Variants in RAPGEF2 observed in about 807,000 individuals in gnomAD.
RAPGEF2 encodes the protein PDZ domain containing guanine nucleotide exchange factor (GEF) 1.
A neutral mutation model predicts 186.7 loss-of-function variants in RAPGEF2; 54 were observed. The ratio of observed to expected loss-of-function variants is 0.29; its 90% CI spans 0.23 to 0.36. The LOEUF is 0.36. RAPGEF2 is among the 10% of genes least tolerant of loss of function. RAPGEF2 has a pLI of 1.00. For missense variants in RAPGEF2, 1,532 were observed against 2,045.0 expected (o/e 0.75, Z 4.84); for synonymous variants, 712 against 705.9 (o/e 1.01, Z -0.14).
chr4:159,183,058 G>T (rs1394089452), intron 1 of RAPGEF2, among the ~76,000 whole-genome samples: 1 of 152,010 alleles, frequency 6.6e-6, no homozygotes. Flanking sequence ...TGCATATACC[G>T]ACAAGCTAAT....
Position 159,314,740 on chromosome 4 carries a change from C to T in RAPGEF2, c.825C>T (p.Asp275=). 1.2e-6 allele frequency: 2 copies of T among 1,609,126 alleles called. No individual in the cohort carries two copies. The highest frequency in any genetic ancestry group is 1.7e-6 in the Non-Finnish European group (2 of 1,178,348). ...TTGTGAGAGACTGCCTAGAGAAGGA[C>T]CCAATTGACCGGACAGATGATGACA... ...RDIVRDCLEK[D]PIDRTDDDIE... Residue 275 remains aspartate (D), a synonymous_variant, in exon 9 of 30, where the codon GAC becomes GAT. Transcript: ENST00000691494.
Position 159,285,745 on chromosome 4 carries a change from C to G in RAPGEF2, c.544-18597C>G, listed in dbSNP as rs547818625. On this transcript the variant is annotated intron_variant, in intron 7 of 29. Transcript: ENST00000691494. ...ACTTACCCCATGTGTTTATTGATTT[C>G]AAGAATCACTGTCTCATCACAGTAC... Among the ~76,000 whole-genome samples, 9 of 152,220 alleles carry G rather than the reference C, an allele frequency of 5.9e-5. No individual in the cohort carries two copies. The South Asian group carries it at 1.9e-3, about 32-fold the overall frequency.
intron 9 of RAPGEF2, among the ~76,000 whole-genome samples, chr4:159,319,652 C>T (rs1447257017): frequency 6.6e-6 from 1 of 152,040 alleles, no homozygotes; most frequent in Non-Finnish European, 1.5e-5. Flanking sequence ...TCTGGTTTAG[C>T]ATTTATGTAT....
intron 3 of RAPGEF2, among the ~76,000 whole-genome samples, chr4:159,204,795 T>G (rs1579457361): frequency 6.6e-6 from 1 of 152,184 alleles, no homozygotes; most frequent in East Asian, 1.9e-4. Flanking sequence ...TCTGAGATTC[T>G]AAGAAGGATT....
chr4:159,180,329 A>T (rs1302188398), intron 1 of RAPGEF2, among the ~76,000 whole-genome samples: 1 of 152,182 alleles, frequency 6.6e-6, no homozygotes, highest in East Asian at 1.9e-4. Flanking sequence ...TGTCTTTGCC[A>T]TAGTTTCTCT....
At chr4:159,175,868 G>A (rs933433270) in intron 1 of RAPGEF2, among the ~76,000 whole-genome samples, 3 of 152,216 alleles carry the variant, frequency 2.0e-5, no homozygotes, top group Non-Finnish European at 4.4e-5. Context: ...CTGCAGGAAT[G>A]TTGCCCTTTT....
intron 1 of RAPGEF2, among the ~76,000 whole-genome samples, chr4:159,109,048 A>C (rs746820051): frequency 2.2e-4 from 33 of 152,218 alleles, no homozygotes; most frequent in Non-Finnish European, 3.5e-4. Context: ...TTCAAGTTGC[A>C]TAAAATTATA....
chr4:159,282,669 G>A (rs1759884092), intron 7 of RAPGEF2: 1 of 450,028 alleles, frequency 2.2e-6, no homozygotes, highest in Non-Finnish European at 4.4e-6. Context: ...CCTAAGGCTT[G>A]CCTTTCTGGT....
At chr4:159,325,132 T>C (rs1001141846) in intron 11 of RAPGEF2, among the ~76,000 whole-genome samples, 9 of 152,034 alleles carry the variant, frequency 5.9e-5, no homozygotes, top group African/African-American at 1.7e-4. Flanking sequence ...ATCTTATCTA[T>C]AGAATCTAAA....
At chr4:159,316,367 T>C (rs1764606136) in intron 9 of RAPGEF2, among the ~76,000 whole-genome samples, 1 of 152,204 alleles carries the variant, frequency 6.6e-6, no homozygotes, top group African/African-American at 2.4e-5. Context: ...TATTTTATTA[T>C]ACTGGAACAG....
chr4:159,271,835 C>T (rs1198369526), intron 7 of RAPGEF2, among the ~76,000 whole-genome samples: 2 of 152,158 alleles, frequency 1.3e-5, no homozygotes, highest in Admixed American at 6.5e-5. Flanking sequence ...TTTTATAAAA[C>T]TTTCATTGCT....
At chr4:159,356,270 A>G (rs1731995691) in intron 29 of RAPGEF2, 112 bp downstream of exon 29, 3 of 1,130,910 alleles carry the variant, frequency 2.7e-6, no homozygotes, top group Admixed American at 2.5e-5. Flanking sequence ...CTAACCATAT[A>G]CTACACAAAG....
At chr4:159,318,644 C>T (rs758400558) in intron 9 of RAPGEF2, among the ~76,000 whole-genome samples, 6 of 152,088 alleles carry the variant, frequency 3.9e-5, no homozygotes, top group Non-Finnish European at 8.8e-5. Context: ...GAACTCATAA[C>T]TTTGTAGGTA....
At chr4:159,285,628 T>A (rs887565200) in intron 7 of RAPGEF2, among the ~76,000 whole-genome samples, 3 of 152,204 alleles carry the variant, frequency 2.0e-5, no homozygotes, top group African/African-American at 7.2e-5. Flanking sequence ...ATAAATGAAT[T>A]CCTATTTTAC....
At chr4:159,294,680 T>TTCCTTCCTTCCC (rs1761705110) in intron 7 of RAPGEF2, among the ~76,000 whole-genome samples, 4 of 147,782 alleles carry the variant, frequency 2.7e-5, no homozygotes, top group African/African-American at 1.0e-4. Flanking sequence ...CCTTCCTTCC[T>TTCCTTCCTTCCC]TCCTTCCTTC....
chr4:159,295,752 T>C (rs200354085), intron 7 of RAPGEF2, among the ~76,000 whole-genome samples: 29,234 of 109,066 alleles, frequency 0.27, 3,394 homozygotes, highest in Non-Finnish European at 0.34. Context: ...TGTGTGTGTG[T>C]GTGCGCGCGC....
At chr4:159,179,437 A>G (rs750176142) in intron 1 of RAPGEF2, among the ~76,000 whole-genome samples, 5 of 152,194 alleles carry the variant, frequency 3.3e-5, no homozygotes, top group African/African-American at 7.2e-5. Context: ...AAAGAATCTA[A>G]AAGTGTAACT....
chr4:159,120,893 T>C (rs1739601171), intron 1 of RAPGEF2, among the ~76,000 whole-genome samples: 1 of 152,106 alleles, frequency 6.6e-6, no homozygotes, highest in Admixed American at 6.6e-5. Flanking sequence ...CTTGCCCTGT[T>C]GCCCAGGCTA....
chr4:159,350,284 G>T lies in RAPGEF2; in HGVS notation c.3860G>T (p.Arg1287Met). 7.1e-6 allele frequency: 11 copies of T among 1,554,380 alleles called. No homozygotes were observed. Among genetic ancestry groups the T allele is most frequent in the Non-Finnish European group, 9.5e-6 (11 of 1,154,252 alleles). Reference sequence around the variant, plus strand: ...CCTACTTCTCCACAGAGTTCTCCAAGGAAAGGTAGAATTAAATTACTTTTT... The same window carrying T: ...CCTACTTCTCCACAGAGTTCTCCAATGAAAGGTAGAATTAAATTACTTTTT... ...SPPTSPQSSP[R>M]KGYTLAPSGT... The change falls in exon 26 of 30, where the codon AGG becomes ATG. Residue 1287 changes from arginine (R) to methionine (M), a missense_variant. Around this residue, in one of 4 missense-constraint regions of RAPGEF2, gnomAD observed 594 missense variants for 608.5 expected, o/e 0.98. Coordinates refer to ENST00000691494, the MANE Select transcript of RAPGEF2 (RefSeq NM_001394067.2).
Sources: allele counts gnomAD v4.1 joint callset (sites outside exome capture counted in the v4.1 genomes callset), GRCh38; gene constraint gnomAD v4.1.1; regional missense constraint gnomAD v4.1.1; transcripts MANE v1.5; gene names NCBI Gene and HGNC (gene_info 2026-07-23, HGNC 2026-07-21).